Variants in MYORG observed in about 807,000 individuals in gnomAD.
MYORG encodes the protein myogenesis regulating glycosidase, also known as alpha-galactosidase MYORG.
MYORG carries 45 observed loss-of-function variants against 49.8 expected under a neutral mutation model. The observed-to-expected ratio is 0.90, with a 90% CI of 0.71 to 1.16. The LOEUF (loss-of-function observed/expected upper bound fraction) is 1.16, where lower values mean the gene tolerates loss of function less well. Ranked by LOEUF, MYORG falls within the 50% of genes most tolerant of loss-of-function variation. MYORG has a pLI of 0.00. For synonymous variants in MYORG, 552 were observed against 462.9 expected, an observed-to-expected ratio of 1.19 and a Z score of -2.47; for missense variants, 1,110 against 1,026.5, an observed-to-expected ratio of 1.08 and a Z score of -1.11.
Position 34,372,269 on chromosome 9 carries a change from G to A in MYORG, c.675C>T (p.Leu225=), listed in dbSNP as rs1362388791. The change falls in exon 2 of 2, where the codon CTC becomes CTT. Residue 225 remains leucine (L), a synonymous_variant. Transcript: ENST00000297625. ...CGCGCGAAGATAGCCAGTAGCGCTC[G>A]AGGATGCCCCCAAACGCGGCGTCGG... The part of the protein sequence containing the change: ...YSSDAAFGGI[L]ERYWLSSRAA... 6.2e-6 allele frequency: 10 copies of A among 1,610,786 alleles called. No homozygotes were observed. Among genetic ancestry groups the A allele is most frequent in the South Asian group, 2.2e-5 (2 of 90,680 alleles).
rs74600562 is a variant in MYORG at position 34,372,581 on chromosome 9, G to C, written c.363C>G (p.Asp121Glu). ...CGCCATCGCGGCTGCAGGAGTCAAG[G>C]TCCAGCGCGCCGGAGCGGAAGGCCA... ...FRLAFRSGALDLDSCSRDGAL... is the reference protein window; with the variant it reads ...FRLAFRSGALELDSCSRDGAL... The change falls in exon 2 of 2, where the codon GAC (aspartate) becomes GAG (glutamate). Residue 121 changes from aspartate to glutamate, a missense_variant. Asp to Glu is a conservative substitution (Grantham distance 45, BLOSUM62 2). Transcript: ENST00000297625. 1 of 1,603,386 alleles carries C rather than the reference G, an allele frequency of 6.2e-7. No individual in the cohort carries two copies. Among genetic ancestry groups the C allele is most frequent in the South Asian group, 1.1e-5 (1 of 89,456 alleles).
rs1218630518 is a variant in MYORG at position 34,370,699 on chromosome 9, G to A, written c.*100C>T. 17 of 1,360,362 alleles carry A rather than the reference G, an allele frequency of 1.2e-5. No individual in the cohort carries two copies. Among genetic ancestry groups the A allele is most frequent in the African/African-American group, 5.7e-5 (3 of 52,722 alleles). 84.3% of individuals were successfully genotyped at this position (1,360,362 alleles called of 1,614,324 possible). ...CAGCAGCCACTTAATGGGTGGTATA[G>A]AGGTGGGAGGTTCCTGGGAGTACAT... On this transcript the variant is annotated 3_prime_UTR_variant, in exon 2 of 2. Transcript: ENST00000297625.
At position 34,369,611 on chromosome 9, in the gene MYORG, T is replaced by A. The variant is rs1820553014; in HGVS notation, c.*1188A>T. On this transcript the variant is annotated 3_prime_UTR_variant, in exon 2 of 2. Coordinates refer to ENST00000297625, the MANE Select transcript of MYORG (RefSeq NM_020702.5). The stretch of plus-strand genomic sequence containing the variant: ...GGAGGAGGGGTTGCAGTGAGCTGAT[T>A]GTGCCACTGCACTCCAACCTGGGTG... The A allele has an allele frequency of 6.6e-6, 1 of 150,844 alleles. No individual in the cohort carries two copies. The highest frequency in any genetic ancestry group is 2.5e-5 in the African/African-American group (1 of 40,810). 9.3% of individuals were successfully genotyped at this position (150,844 alleles called of 1,614,324 possible).
chr9:34,369,798 A>G lies in MYORG; in HGVS notation c.*1001T>C, dbSNP rs1820558741. The G allele has an allele frequency of 6.6e-6, 1 of 152,118 alleles. No individual in the cohort carries two copies. Among genetic ancestry groups the G allele is most frequent in the African/African-American group, 2.4e-5 (1 of 41,396 alleles). 9.4% of individuals were successfully genotyped at this position (152,118 alleles called of 1,614,324 possible). On this transcript the variant is annotated 3_prime_UTR_variant, in exon 2 of 2. Coordinates refer to ENST00000297625, the MANE Select transcript of MYORG (RefSeq NM_020702.5). ...AGAACATCACTCCCTTCTAGGCCAC[A>G]CCCCAGGCACATGTGCAGGGGGTGA...
chr9:34,375,974 A>C (rs976886845), intron 1 of MYORG, among the ~76,000 whole-genome samples: 5 of 152,240 alleles, frequency 3.3e-5, no homozygotes, highest in African/African-American at 1.2e-4. Context: ...GAAGTTAGCC[A>C]GGTATCAAGG....
chr9:34,371,804 C>T lies in MYORG; in HGVS notation c.1140G>A (p.Leu380=). The change falls in exon 2 of 2, where the codon CTG becomes CTA. Residue 380 remains leucine (L), a synonymous_variant. Transcript: ENST00000297625. ...FPNASDMFRR[L]RDAGFRVTLW... is the part of the protein sequence containing the mutation. ...GCGTGACGCGGAAGCCGGCGTCGCG[C>T]AGGCGGCGGAACATGTCGCTGGCGT... 4 of 1,613,998 alleles carry T rather than the reference C, an allele frequency of 2.5e-6. No homozygotes were observed. Among genetic ancestry groups the T allele is most frequent in the Non-Finnish European group, 3.4e-6 (4 of 1,179,838 alleles).
Position 34,371,410 on chromosome 9 carries a change from T to C in MYORG, c.1534A>G (p.Ile512Val). 6.2e-7 allele frequency: 1 copy of C among 1,613,338 alleles called. No homozygotes were observed. Among genetic ancestry groups the C allele is most frequent in the Non-Finnish European group, 8.5e-7 (1 of 1,179,808 alleles). Residue 512 changes from isoleucine (I) to valine (V), a missense_variant, in exon 2 of 2, where the codon ATC becomes GTC. Transcript: ENST00000297625. ...TCCACCAGGCGGAAGAAGCAGGAGATGTTCTGTGACTGGTAGCCTACGCGC... is the reference window on the plus strand; with the variant it reads ...TCCACCAGGCGGAAGAAGCAGGAGACGTTCTGTGACTGGTAGCCTACGCGC... ...EVRVGYQSQN[I>V]SCFFRLVDRD...
chr9:34,372,905 G>C lies in MYORG; in HGVS notation c.39C>G (p.Pro13=), dbSNP rs757256895. ...CGTAGCAGCCAGGCCGGCGGCGGCG[G>C]GGGTAGGCCTGGCTCTTCTCCTGAG... ...QNPQEKSQAY[P]RRRRPGCYAY... is the part of the protein sequence containing the mutation. The change falls in exon 2 of 2, where the codon CCC becomes CCG. Residue 13 remains proline (P), a synonymous_variant. Coordinates refer to ENST00000297625, the MANE Select transcript of MYORG (RefSeq NM_020702.5). 4 of 1,613,750 alleles carry C rather than the reference G, an allele frequency of 2.5e-6. No homozygotes were observed. The highest frequency in any genetic ancestry group is 3.4e-6 in the Non-Finnish European group (4 of 1,179,892).
chr9:34,372,155 G>C lies in MYORG; in HGVS notation c.789C>G (p.His263Gln). The change falls in exon 2 of 2, where the codon CAC becomes CAG. Residue 263 changes from histidine to glutamine, a missense_variant. Physicochemically the swap from His to Gln is conservative, Grantham distance 24 (BLOSUM62 0). Transcript: ENST00000297625. ...ERSLRLQARY[H>Q]DTPYKPPAGR... ...CGGCGGGTGGCTTGTAGGGCGTGTC[G>C]TGGTAGCGCGCCTGAAGCCGCAGCG... is the stretch of plus-strand genomic sequence containing the variant. 1 of 1,611,026 alleles carries C rather than the reference G, an allele frequency of 6.2e-7. No homozygotes were observed. The highest frequency in any genetic ancestry group is 8.5e-7 in the Non-Finnish European group (1 of 1,179,416).
rs1219751227 is a variant in MYORG at position 34,372,135 on chromosome 9, G to A, written c.809C>T (p.Pro270Leu). The change falls in exon 2 of 2, where the codon CCC (proline) becomes CTC (leucine). Residue 270 changes from proline (P) to leucine (L), a missense_variant. Coordinates refer to ENST00000297625, the MANE Select transcript of MYORG (RefSeq NM_020702.5). Reference protein sequence around the residue: ...ARYHDTPYKPPAGRAAAPELS... With the variant: ...ARYHDTPYKPLAGRAAAPELS... ...CTCTGGCGCTGCGGCGCGGCCGGCG[G>A]GTGGCTTGTAGGGCGTGTCGTGGTA... 2 of 1,611,956 alleles carry A rather than the reference G, an allele frequency of 1.2e-6. No homozygotes were observed. Among genetic ancestry groups the A allele is most frequent in the African/African-American group, 2.7e-5 (2 of 74,938 alleles).
At position 34,371,090 on chromosome 9, in the gene MYORG, C is replaced by T. The variant is rs762030845; in HGVS notation, c.1854G>A (p.Leu618=). 7.5e-6 allele frequency: 12 copies of T among 1,609,580 alleles called. No individual in the cohort carries two copies. Among genetic ancestry groups the T allele is most frequent in the African/African-American group, 1.3e-5 (1 of 74,972 alleles). ...AALRASLVAP[L]LLELAGEVTD... is the part of the protein sequence containing the mutation. Reference sequence around the variant, plus strand: ...TGACCTCGCCCGCCAGCTCAAGCAACAGCGGTGCCACAAGCGAGGCCCGCA... The same window carrying T: ...TGACCTCGCCCGCCAGCTCAAGCAATAGCGGTGCCACAAGCGAGGCCCGCA... The change falls in exon 2 of 2, where the codon CTG becomes CTA. Residue 618 remains leucine, a synonymous_variant. Coordinates refer to ENST00000297625, the MANE Select transcript of MYORG (RefSeq NM_020702.5).
Position 34,370,568 on chromosome 9 carries a change from T to G in MYORG, c.*231A>C. ...AGGTTTCTGCAGATTGGTGTGAGTG[T>G]GGGGGTGGAAAGGGCACAGTAAGGA... is the stretch of plus-strand genomic sequence containing the variant. On this transcript the variant is annotated 3_prime_UTR_variant, in exon 2 of 2. Transcript: ENST00000297625. 1 of 644,960 alleles carries G rather than the reference T, an allele frequency of 1.6e-6. No individual in the cohort carries two copies. The highest frequency in any genetic ancestry group is 2.4e-6 in the Non-Finnish European group (1 of 414,404). The allele number at this position is 644,960 out of a possible 1,614,324, so 40.0% of individuals were successfully genotyped here.
rs772946228 is a variant in MYORG at position 34,372,717 on chromosome 9, C to T, written c.227G>A (p.Cys76Tyr). The T allele has an allele frequency of 6.2e-7, 1 of 1,613,022 alleles. No individual in the cohort carries two copies. Among genetic ancestry groups the T allele is most frequent in the Admixed American group, 1.7e-5 (1 of 59,884 alleles). The change falls in exon 2 of 2, where the codon TGC becomes TAC. Residue 76 changes from cysteine (C) to tyrosine (Y), a missense_variant. Coordinates refer to ENST00000297625, the MANE Select transcript of MYORG (RefSeq NM_020702.5). Reference protein sequence around the residue: ...LLVLAAVVAWCYYSVSLRKAE... With the variant: ...LLVLAAVVAWYYYSVSLRKAE... Reference sequence around the variant, plus strand: ...CTTGCGTAGGGAGACGCTGTAGTAGCACCAGGCCACCACCGCGGCCAGCAC... The same window carrying T: ...CTTGCGTAGGGAGACGCTGTAGTAGTACCAGGCCACCACCGCGGCCAGCAC...
Position 34,372,734 on chromosome 9 carries a change from G to C in MYORG, c.210C>G (p.Ala70=), listed in dbSNP as rs764679804. The C allele has an allele frequency of 6.2e-7, 1 of 1,613,512 alleles. No individual in the cohort carries two copies. Among genetic ancestry groups the C allele is most frequent in the Non-Finnish European group, 8.5e-7 (1 of 1,179,706 alleles). ...TGTAGTAGCACCAGGCCACCACCGC[G>C]GCCAGCACAAGCAGCAGCCCCAGAA... is the stretch of plus-strand genomic sequence containing the variant. The part of the protein sequence containing the change: ...SAVLGLLLVL[A]AVVAWCYYSV... Residue 70 remains alanine, a synonymous_variant, in exon 2 of 2, where the codon GCC becomes GCG. Transcript: ENST00000297625.
In MYORG at chr9:34,367,472, G is replaced by C. The variant is rs559770647; in HGVS notation, c.*3327C>G. 1.5e-4 allele frequency: 23 copies of C among 152,268 alleles called. No individual in the cohort carries two copies. Among genetic ancestry groups the C allele is most frequent in the Middle Eastern group, 3.4e-3 (1 of 294 alleles). 9.4% of individuals were successfully genotyped at this position (152,268 alleles called of 1,614,324 possible). On this transcript the variant is annotated 3_prime_UTR_variant, in exon 2 of 2. Coordinates refer to ENST00000297625, the MANE Select transcript of MYORG (RefSeq NM_020702.5). Reference sequence around the variant, plus strand: ...CACCTATGAGCCTGTAAAATCAAAGGCTAGTTAGTTACTTCCTAGATACAA... The same window carrying C: ...CACCTATGAGCCTGTAAAATCAAAGCCTAGTTAGTTACTTCCTAGATACAA...
rs1820517238 is a variant in MYORG at position 34,367,410 on chromosome 9, AC to A, written c.*3388del. 1 of 152,012 alleles carries A rather than the reference AC, an allele frequency of 6.6e-6. No individual in the cohort carries two copies. Among genetic ancestry groups the A allele is most frequent in the African/African-American group, 2.4e-5 (1 of 41,342 alleles). The allele number at this position is 152,012 out of a possible 1,614,324, so 9.4% of individuals were successfully genotyped here. A position where few individuals can be genotyped will look rare whatever the true frequency, so the allele number is the denominator to read the frequency against. ...TTTCAGCATTAACTCAAAAGTCCAT[AC>A]TCCAAAGTCTCATCTGAAACAAGGC... On this transcript the variant is annotated 3_prime_UTR_variant, in exon 2 of 2. Coordinates refer to ENST00000297625, the MANE Select transcript of MYORG (RefSeq NM_020702.5).
rs1820713167 is a variant in MYORG, at chr9:34,376,200, GAGGGC to G, written c.-64+588_-64+592del. Among the ~76,000 whole-genome samples, 1 of 152,224 alleles carries G rather than the reference GAGGGC, an allele frequency of 6.6e-6. No homozygotes were observed. Among genetic ancestry groups the G allele is most frequent in the South Asian group, 2.1e-4 (1 of 4,834 alleles). ...GCTCCACGCGGACCACGAAGACCAC[GAGGGC>G]AGCAAAGAGGGCAATTTTAATGGCA... On this transcript the variant is annotated intron_variant, in intron 1 of 1. Coordinates refer to ENST00000297625, the MANE Select transcript of MYORG (RefSeq NM_020702.5). This position sits in a 1 kb window ranked among gnomAD's most constrained non-coding sequence, Gnocchi z 4.4.
chr9:34,367,167 T>C lies in MYORG; in HGVS notation c.*3632A>G, dbSNP rs1310537875. The C allele has an allele frequency of 6.6e-6, 1 of 152,128 alleles. No individual in the cohort carries two copies. Among genetic ancestry groups the C allele is most frequent in the Non-Finnish European group, 1.5e-5 (1 of 68,028 alleles). 9.4% of individuals were successfully genotyped at this position (152,128 alleles called of 1,614,324 possible). A position where few individuals can be genotyped will look rare whatever the true frequency, so the allele number is the denominator to read the frequency against. ...AAACCATCAGATCTCGTGAGACTTA[T>C]TCACTACCACCAGAACAGTATGGGA... On this transcript the variant is annotated 3_prime_UTR_variant, in exon 2 of 2. Coordinates refer to ENST00000297625, the MANE Select transcript of MYORG (RefSeq NM_020702.5).
Position 34,372,534 on chromosome 9 carries a change from G to T in MYORG, c.410C>A (p.Thr137Lys). The T allele has an allele frequency of 6.2e-7, 1 of 1,601,122 alleles. No homozygotes were observed. The change falls in exon 2 of 2, where the codon ACG becomes AAG. Residue 137 changes from threonine (T) to lysine (K), a missense_variant. By Grantham distance (78) the Thr-to-Lys change is moderately conservative. Transcript: ENST00000297625. ...RDGALLGCSL[T>K]ADGLPLHFFI... The stretch of plus-strand genomic sequence containing the variant: ...GAAGTGCAGCGGCAGCCCGTCGGCC[G>T]TGAGCGAGCAGCCCAGCAGGGCGCC...
Sources: allele counts gnomAD v4.1 joint callset (sites outside exome capture counted in the v4.1 genomes callset), GRCh38; gene constraint gnomAD v4.1.1; non-coding constraint Gnocchi (gnomAD v3.1); transcripts MANE v1.5; gene names NCBI Gene and HGNC (gene_info 2026-07-23, HGNC 2026-07-21).